The following ACAD11 variants were observed in gnomAD, a reference collection of about 807,000 sequenced individuals.
ACAD11 encodes acyl-CoA dehydrogenase family member 11.
A neutral mutation model predicts 102.2 loss-of-function variants in ACAD11; 83 were observed. That is an observed-to-expected ratio of 0.81 (90% CI 0.68 to 0.97). The LOEUF is 0.97. ACAD11 is among the 50% of genes least tolerant of loss of function. The pLI, the probability that ACAD11 is intolerant of heterozygous loss-of-function variation, is 0.00. For missense variants in ACAD11, 901 were observed against 951.7 expected (o/e 0.95, Z 0.70); for synonymous variants, 324 against 319.8 (o/e 1.01, Z -0.14).
Position 132,630,420 on chromosome 3 carries a change from T to C in ACAD11, c.963+17A>G, listed in dbSNP as rs373846677. The C allele has an allele frequency of 1.9e-6, 3 of 1,607,978 alleles. No individual in the cohort carries two copies. In the African/African-American group the frequency reaches 4.0e-5, roughly 22 times the overall value. On this transcript the variant is annotated intron_variant, in intron 7 of 19. Transcript: ENST00000264990. Reference sequence around the variant, plus strand: ...TGGTAAATAATGGCGAAACACACGTTTAAAACAATTAATTACCTGTGCTAT... The same window carrying C: ...TGGTAAATAATGGCGAAACACACGTCTAAAACAATTAATTACCTGTGCTAT...
At chr3:132,627,433 C>T (rs1939870295) in intron 8 of ACAD11, among the ~76,000 whole-genome samples, 1 of 152,146 alleles carries the variant, frequency 6.6e-6, no homozygotes, top group South Asian at 2.1e-4. Context: ...TTATTGAAGT[C>T]ACCCGTCAGA....
At chr3:132,621,884 C>T (rs569586116) in intron 9 of ACAD11, among the ~76,000 whole-genome samples, 98 of 148,264 alleles carry the variant, frequency 6.6e-4, no homozygotes, top group African/African-American at 1.2e-3. Flanking sequence ...GAGGCTGAGG[C>T]GGGAGAATCA....
chr3:132,601,773 A>G, intron 13 of ACAD11: 1 of 408,806 alleles, frequency 2.4e-6, no homozygotes, highest in Non-Finnish European at 4.8e-6. Flanking sequence ...AATCTACACA[A>G]GTGATAAAAT....
chr3:132,564,044 T>C (rs538670036), intron 17 of ACAD11, among the ~76,000 whole-genome samples: 4 of 152,228 alleles, frequency 2.6e-5, no homozygotes, highest in Admixed American at 1.3e-4. Flanking sequence ...TTTTTTAATG[T>C]TCATGCAGTT....
intron 13 of ACAD11, chr3:132,600,504 T>C: frequency 6.2e-7 from 1 of 1,613,930 alleles, no homozygotes; most frequent in Non-Finnish European, 8.5e-7. Context: ...AAAGAAGATG[T>C]CAGAGAATTT....
chr3:132,633,795 A>C (rs1485833372), intron 5 of ACAD11, among the ~76,000 whole-genome samples: 3 of 152,208 alleles, frequency 2.0e-5, no homozygotes, highest in African/African-American at 7.2e-5. Context: ...TGACAAAAAC[A>C]AGAAATGGGG....
At chr3:132,577,577 C>T (rs1352546239) in intron 15 of ACAD11, among the ~76,000 whole-genome samples, 1 of 152,096 alleles carries the variant, frequency 6.6e-6, no homozygotes, top group Non-Finnish European at 1.5e-5. Flanking sequence ...ACTGTGTGTT[C>T]GTCTCTTGAA....
At chr3:132,603,556 C>T (rs891145401) in intron 12 of ACAD11, among the ~76,000 whole-genome samples, 1 of 152,106 alleles carries the variant, frequency 6.6e-6, no homozygotes, top group East Asian at 1.9e-4. Context: ...GTATTTTGAA[C>T]TGTATTTTTG....
At chr3:132,576,170 T>C (rs1169651035) in intron 16 of ACAD11, among the ~76,000 whole-genome samples, 1 of 152,248 alleles carries the variant, frequency 6.6e-6, no homozygotes, top group Non-Finnish European at 1.5e-5. Flanking sequence ...GTACTATGCA[T>C]AAGCTATTTT....
rs138120613 is a variant in ACAD11 at position 132,577,711 on chromosome 3, G to C, written c.1775-696C>G. ...ACTCTACACCCTTTTCCTGTCAGAG[G>C]AGACAATAATCAGCCTTCTCCACAC... is the stretch of plus-strand genomic sequence containing the variant. On this transcript the variant is annotated intron_variant, in intron 15 of 19. Coordinates refer to ENST00000264990, the MANE Select transcript of ACAD11 (RefSeq NM_032169.5). Among the ~76,000 whole-genome samples the C allele has an allele frequency of 5.4e-4, 83 of 152,302 alleles. 1 individual carries two copies. Among genetic ancestry groups the C allele is most frequent in the African/African-American group, 1.9e-3 (77 of 41,554 alleles).
intron 7 of ACAD11, among the ~76,000 whole-genome samples, chr3:132,629,031 A>G (rs1266557863): frequency 1.3e-5 from 2 of 152,258 alleles, no homozygotes; most frequent in South Asian, 2.1e-4. Context: ...TTCCTTATAT[A>G]ATAAAACACT....
At chr3:132,617,412 C>T (rs1939450166) in intron 11 of ACAD11, among the ~76,000 whole-genome samples, 1 of 152,166 alleles carries the variant, frequency 6.6e-6, no homozygotes, top group Non-Finnish European at 1.5e-5. Flanking sequence ...CTTCCTTCAT[C>T]TTTTCAATTT....
At chr3:132,574,076 T>A (rs1337130787) in intron 17 of ACAD11, among the ~76,000 whole-genome samples, 2 of 152,198 alleles carry the variant, frequency 1.3e-5, no homozygotes, top group African/African-American at 4.8e-5. Context: ...GCATGACACA[T>A]TAACTTTAAA....
At position 132,639,619 on chromosome 3, in the gene ACAD11, T is replaced by C; in HGVS notation, c.575A>G (p.His192Arg). The C allele has an allele frequency of 6.2e-7, 1 of 1,613,648 alleles. No individual in the cohort carries two copies. Among genetic ancestry groups the C allele is most frequent in the East Asian group, 2.2e-5 (1 of 44,868 alleles). Reference sequence around the variant, plus strand: ...CTGTTGCATGGCAGGGATGTCCTGATGAGCTGCAGCTTGATATTGCTTTGT... The same window carrying C: ...CTGTTGCATGGCAGGGATGTCCTGACGAGCTGCAGCTTGATATTGCTTTGT... ...TWTKQYQAAA[H>R]QDIPAMQQLS... Residue 192 changes from histidine (H) to arginine (R), a missense_variant, in exon 5 of 20, where the codon CAT becomes CGT. Transcript: ENST00000264990.
intron 11 of ACAD11, among the ~76,000 whole-genome samples, chr3:132,606,981 G>A (rs1054804611): frequency 1.1e-4 from 17 of 152,260 alleles, no homozygotes; most frequent in African/African-American, 3.1e-4. Flanking sequence ...TGTGATATCC[G>A]GGCAAACAGG....
intron 13 of ACAD11, chr3:132,602,014 G>T (rs940246119): frequency 5.4e-5 from 9 of 166,824 alleles, no homozygotes; most frequent in African/African-American, 2.2e-4. Flanking sequence ...TATTAAAGAG[G>T]TTCATGTTAA....
In ACAD11 at chr3:132,658,957, G is replaced by A. The variant is rs145133639; in HGVS notation, c.149+646C>T. Among the ~76,000 whole-genome samples, 10 of 152,282 alleles carry A rather than the reference G, an allele frequency of 6.6e-5. No homozygotes were observed. The East Asian group carries it at 1.9e-3, about 29-fold the overall frequency. ...AAGTGACAGATCCAGTTTTCTGAAT[G>A]ATAGGACTCTTTCTGTAGCCCTGTA... On this transcript the variant is annotated intron_variant, in intron 1 of 19. Transcript: ENST00000264990.
chr3:132,586,145 G>A (rs375878661), intron 13 of ACAD11, among the ~76,000 whole-genome samples: 3 of 152,238 alleles, frequency 2.0e-5, no homozygotes, highest in East Asian at 3.9e-4. Flanking sequence ...TATACACCAT[G>A]GAATAGTACA....
At chr3:132,617,509 T>C (rs1939452843) in intron 11 of ACAD11, among the ~76,000 whole-genome samples, 1 of 152,186 alleles carries the variant, frequency 6.6e-6, no homozygotes, top group Non-Finnish European at 1.5e-5. Flanking sequence ...GCTCTGCCTT[T>C]AAAATATATT....
Sources: allele counts gnomAD v4.1 joint callset (sites outside exome capture counted in the v4.1 genomes callset), GRCh38; gene constraint gnomAD v4.1.1; transcripts MANE v1.5; gene names NCBI Gene and HGNC (gene_info 2026-07-23, HGNC 2026-07-21).